USP6: variants seen among roughly 807,000 people sequenced by gnomAD.
USP6 encodes ubiquitin specific peptidase 6, also known as ubiquitin carboxyl-terminal hydrolase 6.
In USP6, 128 loss-of-function variants were observed where a neutral mutation model predicts 175.7. The ratio of observed to expected loss-of-function variants is 0.73; its 90% confidence interval spans 0.63 to 0.84. The LOEUF (loss-of-function observed/expected upper bound fraction) is 0.84, where lower values mean the gene tolerates loss of function less well. Among genes scored for constraint, USP6 ranks in the 40% least tolerant of loss-of-function variants. USP6 has a pLI of 0.00. For missense variants in USP6, 1,498 were observed against 1,760.3 expected, an observed-to-expected ratio of 0.85 and a Z score of 2.67; for synonymous variants, 562 against 630.6, an observed-to-expected ratio of 0.89 and a Z score of 1.63.
At chr17:5,125,662 GCA>G (rs111782891) in intron 5 of USP6, among the ~76,000 whole-genome samples, 157 bp from the exon 6 acceptor site, 8 of 129,110 alleles carry the variant, frequency 6.2e-5, no homozygotes, top group Admixed American at 1.5e-4. Flanking sequence ...ACACAAACAC[GCA>G]CACACACGCA....
Position 5,155,465 on chromosome 17 carries a change from C to A in USP6, c.2687C>A (p.Pro896His), listed in dbSNP as rs1379470686. Reference sequence around the variant, plus strand: ...TTCCTGTCACCTCAGGAGAATCGCCCCAGCCTCTTTGGAATGCCATTGATT... The same window carrying A: ...TTCCTGTCACCTCAGGAGAATCGCCACAGCCTCTTTGGAATGCCATTGATT... ...LYFLSPQENR[P>H]SLFGMPLIVP... Residue 896 changes from proline to histidine, a missense_variant, in exon 31 of 38, where the codon CCC becomes CAC. Pro to His is a moderately conservative substitution (Grantham distance 77, BLOSUM62 -2). Around this residue, in one of 2 missense-constraint regions of USP6, gnomAD observed 1,217 missense variants for 1,500.8 expected, o/e 0.81. Transcript: ENST00000574788. 2.5e-6 allele frequency: 4 copies of A among 1,614,038 alleles called. No homozygotes were observed. In the Admixed American group the frequency reaches 5.0e-5, roughly 20 times the overall value.
intron 36 of USP6, among the ~76,000 whole-genome samples, 196 bp downstream of exon 36, chr17:5,171,111 G>A (rs763111613): frequency 5.3e-5 from 8 of 152,156 alleles, no homozygotes; most frequent in Non-Finnish European, 8.8e-5. Flanking sequence ...CACTTTAGAA[G>A]GCTGAGACAG....
At chr17:5,170,427 C>A (rs1477632292) in intron 35 of USP6, 52 bp from the exon 36 acceptor site, 14 of 1,542,610 alleles carry the variant, frequency 9.1e-6, no homozygotes, top group Non-Finnish European at 1.1e-5. Context: ...TTGGGGCTGG[C>A]TTACTTTCTG....
intron 18 of USP6, among the ~76,000 whole-genome samples, 157 bp from the exon 19 acceptor site, chr17:5,136,964 G>A (rs2073273719): frequency 6.6e-6 from 1 of 152,226 alleles, no homozygotes; most frequent in African/African-American, 2.4e-5. Flanking sequence ...GCAAAGGGCA[G>A]TGTGTCCACC....
Position 5,116,074 on chromosome 17 carries a change from A to C in USP6, c.-2594A>C, listed in dbSNP as rs2072528954. Reference sequence around the variant, plus strand: ...GCGGGACGGGCGGGCCCCGACGCCCAGCTCCAAATGCGTGGCCGCTGTGGG... The same window carrying C: ...GCGGGACGGGCGGGCCCCGACGCCCCGCTCCAAATGCGTGGCCGCTGTGGG... On this transcript the variant is annotated 5_prime_UTR_variant, in exon 1 of 38. Transcript: ENST00000574788. Among the ~76,000 whole-genome samples the C allele has an allele frequency of 6.6e-6, 1 of 152,178 alleles. No homozygotes were observed. The highest frequency in any genetic ancestry group is 1.5e-5 in the Non-Finnish European group (1 of 68,006).
chr17:5,127,792 C>A (rs1376675314), intron 7 of USP6, among the ~76,000 whole-genome samples, 153 bp downstream of exon 7: 1 of 152,212 alleles, frequency 6.6e-6, no homozygotes, highest in East Asian at 1.9e-4. Context: ...ATTAGACCAT[C>A]TCTAGATTAT....
chr17:5,161,176 C>T (rs2073997447), intron 31 of USP6, among the ~76,000 whole-genome samples: 1 of 152,208 alleles, frequency 6.6e-6, no homozygotes, highest in African/African-American at 2.4e-5. Flanking sequence ...ATGGAAAGAT[C>T]TAATTATTTT....
intron 2 of USP6, among the ~76,000 whole-genome samples, chr17:5,120,228 A>G (rs1212350134): frequency 6.6e-6 from 1 of 152,038 alleles, no homozygotes; most frequent in Non-Finnish European, 1.5e-5. Context: ...GGTGACACCA[A>G]CGTAGGGTTG....
chr17:5,138,430 G>A (rs561334814), intron 21 of USP6, among the ~76,000 whole-genome samples, 157 bp downstream of exon 21: 9 of 152,048 alleles, frequency 5.9e-5, no homozygotes, highest in African/African-American at 1.9e-4. Flanking sequence ...GAGGCCCACC[G>A]GTCCTCAGGG....
Position 5,155,565 on chromosome 17 carries a change from AC to A in USP6, c.2789del (p.Pro930HisfsTer85), listed in dbSNP as rs778667630. The stretch of plus-strand genomic sequence containing the variant: ...GGATTCAAGTATCCTGGTTAGCAAG[AC>A]CACTCCCACCTCAGGAAGCTAGTAT... Reference protein sequence around the residue: ...VWIQVSWLARPLPPQEASIHA... With the variant: ...VWIQVSWLARXLPPQEASIHA... On this transcript the variant is annotated frameshift_variant, in exon 31 of 38. Coordinates refer to ENST00000574788, the MANE Select transcript of USP6 (RefSeq NM_001304284.2). LOFTEE classifies it high-confidence loss of function. 34 of 1,613,974 alleles carry A rather than the reference AC, an allele frequency of 2.1e-5. No individual in the cohort carries two copies. The highest frequency in any genetic ancestry group is 2.7e-5 in the African/African-American group (2 of 74,910).
intron 33 of USP6, 114 bp downstream of exon 33, chr17:5,163,118 T>G (rs909208931): frequency 2.1e-6 from 3 of 1,428,134 alleles, no homozygotes; most frequent in African/African-American, 3.0e-5. Flanking sequence ...AAACCTTCAT[T>G]GGCATCCTCT....
intron 15 of USP6, 36 bp from the exon 16 acceptor site, chr17:5,135,198 C>T (rs2073211567): frequency 6.2e-7 from 1 of 1,609,086 alleles, no homozygotes; most frequent in Non-Finnish European, 8.5e-7. Flanking sequence ...AGCATCTGCA[C>T]AAACCAAACC....
chr17:5,154,623 G>T (rs138874572), intron 30 of USP6, among the ~76,000 whole-genome samples: 1 of 152,008 alleles, frequency 6.6e-6, no homozygotes, highest in African/African-American at 2.4e-5. Flanking sequence ...AGAATTACTA[G>T]GTTTCACAAA....
Position 5,133,536 on chromosome 17 carries a change from C to T in USP6, c.370C>T (p.Pro124Ser), listed in dbSNP as rs371703029. The change falls in exon 14 of 38, where the codon CCC becomes TCC. Residue 124 changes from proline to serine, a missense_variant. Around this residue, in one of 2 missense-constraint regions of USP6, gnomAD observed 281 missense variants for 259.6 expected, o/e 1.08. Coordinates refer to ENST00000574788, the MANE Select transcript of USP6 (RefSeq NM_001304284.2). Reference sequence around the variant, plus strand: ...CATTCAGGAAATCAAGTTGAAAAACCCCGGAAGATACCAGGTATGCTCAGC... The same window carrying T: ...CATTCAGGAAATCAAGTTGAAAAACTCCGGAAGATACCAGGTATGCTCAGC... ...LNIQEIKLKN[P>S]GRYQIMKERG... 42 of 1,610,806 alleles carry T rather than the reference C, an allele frequency of 2.6e-5. No homozygotes were observed. In the African/African-American group the frequency reaches 4.0e-4, roughly 15 times the overall value.
intron 34 of USP6, among the ~76,000 whole-genome samples, chr17:5,168,518 C>T (rs1158264005): frequency 6.6e-6 from 1 of 152,254 alleles, no homozygotes; most frequent in Admixed American, 6.5e-5. Context: ...GGGCAATACC[C>T]ACTGCACATA....
chr17:5,145,535 C>T lies in USP6; in HGVS notation c.2123C>T (p.Ser708Phe). The change falls in exon 27 of 38, where the codon TCT becomes TTT. Residue 708 changes from serine to phenylalanine, a missense_variant. Ser to Phe is a radical substitution (Grantham distance 155, BLOSUM62 -2). Around this residue, in one of 2 missense-constraint regions of USP6, gnomAD observed 1,217 missense variants for 1,500.8 expected, o/e 0.81. Coordinates refer to ENST00000574788, the MANE Select transcript of USP6 (RefSeq NM_001304284.2). Reference protein sequence around the residue: ...SVRFDPFNFLSLPLPMDSYMD... With the variant: ...SVRFDPFNFLFLPLPMDSYMD... ...CGATTTGACCCTTTCAATTTTTTGT[C>T]TTTGCCACTACCAATGGACAGTTAC... The T allele has an allele frequency of 1.2e-6, 2 of 1,610,990 alleles. No individual in the cohort carries two copies. The highest frequency in any genetic ancestry group is 1.7e-6 in the Non-Finnish European group (2 of 1,178,758).
chr17:5,172,712 G>A, intron 37 of USP6, 93 bp from the exon 38 acceptor site: 1 of 1,540,572 alleles, frequency 6.5e-7, no homozygotes, highest in South Asian at 1.2e-5. Context: ...AATCAGGTTA[G>A]TAATTACAGA....
At chr17:5,140,819 C>T (rs548633376) in intron 22 of USP6, among the ~76,000 whole-genome samples, 1 of 152,130 alleles carries the variant, frequency 6.6e-6, no homozygotes, top group Non-Finnish European at 1.5e-5. Flanking sequence ...CAAGGGTAGA[C>T]CTGTGGGCAG....
rs574212860 is a variant in USP6 at position 5,121,231 on chromosome 17, C to T, written c.-1674-144C>T. On this transcript the variant is annotated intron_variant, in intron 3 of 37. Transcript: ENST00000574788. ...CAGGCTGAATTCCTCCAAGGTCCAA[C>T]GTGGGTGCAGAGGGTCTTTGTGTGC... 1.1e-4 allele frequency: 44 copies of T among 392,556 alleles called. 1 individual carries two copies. Among genetic ancestry groups the T allele is most frequent in the South Asian group, 6.5e-4 (34 of 52,600 alleles). The allele number at this position is 392,556 out of a possible 1,614,324, so 24.3% of individuals were successfully genotyped here.
Sources: allele counts gnomAD v4.1 joint callset (sites outside exome capture counted in the v4.1 genomes callset), GRCh38; gene constraint gnomAD v4.1.1; regional missense constraint gnomAD v4.1.1; transcripts MANE v1.5; gene names NCBI Gene and HGNC (gene_info 2026-07-23, HGNC 2026-07-21).